The following FRMD6 variants were observed in gnomAD, a reference collection of about 807,000 sequenced individuals.
FRMD6 encodes FERM domain containing 6.
FRMD6 carries 37 observed loss-of-function variants against 73.2 expected under a neutral mutation model. That is an observed-to-expected ratio of 0.51 (90% confidence interval 0.39 to 0.66). FRMD6 has a LOEUF of 0.66. FRMD6 is among the 30% of genes least tolerant of loss of function. The pLI is 0.00. For synonymous variants in FRMD6, 273 were observed against 282.2 expected (o/e 0.97, Z 0.33); for missense variants, 714 against 780.5 (o/e 0.91, Z 1.02).
At chr14:51,691,424 T>C (rs985793951) in intron 2 of FRMD6, among the ~76,000 whole-genome samples, 8 of 152,140 alleles carry the variant, frequency 5.3e-5, no homozygotes, top group African/African-American at 1.9e-4. Context: ...TGGTAATCAG[T>C]GTCATGCCTA....
At chr14:51,551,277 C>G (rs1886816041) in intron 1 of FRMD6, among the ~76,000 whole-genome samples, 1 of 152,118 alleles carries the variant, frequency 6.6e-6, no homozygotes, top group Admixed American at 6.6e-5. Context: ...ATTTTTGACA[C>G]AAATACAAAT....
rs113168469 is a variant in FRMD6 at position 51,617,702 on chromosome 14, G to A, written c.-147+47292G>A. ...ATTGGAACACTCTTGCATATATTAAGAGAACAATAAATTTTAATCATTATA... is the reference window on the plus strand; with the variant it reads ...ATTGGAACACTCTTGCATATATTAAAAGAACAATAAATTTTAATCATTATA... On this transcript the variant is annotated intron_variant, in intron 2 of 14. Coordinates refer to the FRMD6 transcript ENST00000356218. 1.8e-4 allele frequency among the ~76,000 whole-genome samples: 27 copies of A among 152,190 alleles called. 1 individual carries two copies. The highest frequency in any genetic ancestry group is 6.0e-4 in the African/African-American group (25 of 41,538).
the FRMD6 span, among the ~76,000 whole-genome samples, chr14:51,445,493 A>AAAAT: frequency 2.6e-5 from 4 of 150,948 alleles, no homozygotes; most frequent in South Asian, 2.1e-4. Context: ...TTTTTTACAA[A>AAAAT]CAAATCTCCA....
chr14:51,494,223 G>C (rs1883170510), intron 1 of FRMD6, among the ~76,000 whole-genome samples: 1 of 152,130 alleles, frequency 6.6e-6, no homozygotes, highest in Non-Finnish European at 1.5e-5. Flanking sequence ...CAAAAGTCTA[G>C]AGTCCAAGGT....
At chr14:51,543,120 C>T (rs1886289069) in intron 1 of FRMD6, among the ~76,000 whole-genome samples, 1 of 151,866 alleles carries the variant, frequency 6.6e-6, no homozygotes, top group South Asian at 2.1e-4. Flanking sequence ...TTTTTTATTG[C>T]TTGCAGAAAG....
At chr14:51,530,936 T>C (rs1486068925) in intron 1 of FRMD6, among the ~76,000 whole-genome samples, 1 of 152,176 alleles carries the variant, frequency 6.6e-6, no homozygotes, top group Admixed American at 6.5e-5. Flanking sequence ...TGAACACAAA[T>C]TTATTGGCTC....
At chr14:51,414,891 G>A in the FRMD6 span, among the ~76,000 whole-genome samples, 1 of 152,066 alleles carries the variant, frequency 6.6e-6, no homozygotes, top group African/African-American at 2.4e-5. Context: ...GGATTCCTAG[G>A]TATTTTATTC....
At chr14:51,660,638 C>T (rs1893154574) in intron 1 of FRMD6, among the ~76,000 whole-genome samples, 1 of 147,368 alleles carries the variant, frequency 6.8e-6, no homozygotes, top group Admixed American at 6.7e-5. Context: ...AAAATTCTGC[C>T]TTCGTGGACC....
intron 2 of FRMD6, among the ~76,000 whole-genome samples, chr14:51,596,893 G>C (rs1292229912): frequency 1.3e-5 from 2 of 152,192 alleles, no homozygotes. Flanking sequence ...TGTATACGTG[G>C]GGTCCTCAGA....
intron 2 of FRMD6, among the ~76,000 whole-genome samples, chr14:51,632,567 T>C (rs1386186718): frequency 6.6e-6 from 1 of 152,216 alleles, no homozygotes; most frequent in Non-Finnish European, 1.5e-5. Context: ...AAAGGCATAG[T>C]TCCTTTAGAA....
chr14:51,598,498 G>C (rs1889844012), intron 2 of FRMD6, among the ~76,000 whole-genome samples: 1 of 152,112 alleles, frequency 6.6e-6, no homozygotes, highest in Non-Finnish European at 1.5e-5. Context: ...AGATATGAAT[G>C]ATCCCATCAC....
intron 2 of FRMD6, among the ~76,000 whole-genome samples, chr14:51,585,026 G>A (rs1888947524): frequency 1.3e-5 from 2 of 152,150 alleles, no homozygotes; most frequent in South Asian, 2.1e-4. Flanking sequence ...TGCACGTAGT[G>A]AACACTCAAT....
the FRMD6 span, among the ~76,000 whole-genome samples, chr14:51,434,960 T>C: frequency 1.3e-5 from 2 of 152,182 alleles, no homozygotes; most frequent in Admixed American, 6.5e-5. Flanking sequence ...AACTGGCTAG[T>C]AGGCTTCAAA....
chr14:51,432,223 A>T, the FRMD6 span, among the ~76,000 whole-genome samples: 2 of 152,178 alleles, frequency 1.3e-5, no homozygotes, highest in Non-Finnish European at 2.9e-5. Flanking sequence ...GCCTTTGGTG[A>T]CAGTTCAACC....
chr14:51,646,138 G>A (rs10444677), intron 2 of FRMD6, among the ~76,000 whole-genome samples: 5,982 of 151,708 alleles, frequency 0.039, 132 homozygotes, highest in Middle Eastern at 0.071. Flanking sequence ...CTAACACAGC[G>A]AAACCCCGTC....
intron 1 of FRMD6, among the ~76,000 whole-genome samples, chr14:51,513,622 CA>C (rs575374229): frequency 3.2e-4 from 5 of 15,440 alleles, no homozygotes; most frequent in South Asian, 0.011. Context: ...TGAATCTCTA[CA>C]TTTTTTTTTT....
chr14:51,441,361 A>G, the FRMD6 span, among the ~76,000 whole-genome samples: 1 of 152,290 alleles, frequency 6.6e-6, no homozygotes, highest in East Asian at 1.9e-4. Context: ...CCAGAAATCT[A>G]TAGAGGCTTG....
upstream of FRMD6, among the ~76,000 whole-genome samples, chr14:51,487,841 A>T (rs75511627): frequency 0.02 from 3,096 of 152,296 alleles, 112 homozygotes; most frequent in African/African-American, 0.071. Flanking sequence ...GTAGAAATGA[A>T]TGTTAAAAAG....
At chr14:51,578,584 G>A (rs1231240543) in intron 2 of FRMD6, among the ~76,000 whole-genome samples, 1 of 152,204 alleles carries the variant, frequency 6.6e-6, no homozygotes, top group East Asian at 1.9e-4. Context: ...ATTGAAGTTT[G>A]TGACATGCAG....
Sources: allele counts gnomAD v4.1 joint callset (sites outside exome capture counted in the v4.1 genomes callset), GRCh38; gene constraint gnomAD v4.1.1; transcripts MANE v1.5; gene names NCBI Gene and HGNC (gene_info 2026-07-23, HGNC 2026-07-21).